PHRF1: variants seen among roughly 807,000 people sequenced by gnomAD.
PHRF1 encodes PHD and ring finger domains 1.
PHRF1 carries 53 observed loss-of-function variants against 128.9 expected under a neutral mutation model. The observed-to-expected ratio is 0.41, with a 90% CI of 0.33 to 0.52. The LOEUF (loss-of-function observed/expected upper bound fraction) is 0.52. Among genes scored for constraint, PHRF1 ranks in the 20% least tolerant of loss-of-function variants. The pLI is 0.21. For missense variants in PHRF1, 2,503 were observed against 2,284.5 expected (o/e 1.10, Z -1.95); for synonymous variants, 1,178 against 980.6 (o/e 1.20, Z -3.76).
In PHRF1 at chr11:587,545, C is replaced by T. The variant is rs867223802; in HGVS notation, c.420+81C>T. 6.3e-6 allele frequency: 9 copies of T among 1,423,222 alleles called. No individual in the cohort carries two copies. In the African/African-American group the frequency reaches 1.1e-4, roughly 18 times the overall value. The allele number at this position is 1,423,222 out of a possible 1,614,324, so 88.2% of individuals were successfully genotyped here. ...AGGTGACCCAGCCTGTGTTCAGCCT[C>T]TTGTGAGGTTCTAGTTGTCTGCTCT... On this transcript the variant is annotated intron_variant, in intron 4 of 17. Transcript: ENST00000264555.
intron 9 of PHRF1, among the ~76,000 whole-genome samples, chr11:598,722 G>A (rs776844245): frequency 3.9e-5 from 6 of 152,256 alleles, no homozygotes; most frequent in Non-Finnish European, 7.3e-5. Context: ...GTGTCAGGGT[G>A]ATGCCGGCCT....
Position 597,451 on chromosome 11 carries a change from A to AC in PHRF1, c.777dup (p.Thr260HisfsTer10). 6.2e-7 allele frequency: 1 copy of AC among 1,612,810 alleles called. No homozygotes were observed. Among genetic ancestry groups the AC allele is most frequent in the Non-Finnish European group, 8.5e-7 (1 of 1,179,610 alleles). ...CCTGCTCTTGGCTGATGTGGTGCCC[A>AC]CCACCAGCAGGCTTCGGCCTCGAGC... On this transcript the variant is annotated frameshift_variant, in exon 8 of 18. Transcript: ENST00000264555. LOFTEE classifies it high-confidence loss of function. This position sits in a 1 kb window ranked among gnomAD's most constrained non-coding sequence, Gnocchi z 6.5.
intron 4 of PHRF1, among the ~76,000 whole-genome samples, chr11:590,925 A>G (rs1564846358): frequency 6.6e-6 from 1 of 151,932 alleles, no homozygotes; most frequent in Non-Finnish European, 1.5e-5. Flanking sequence ...CTGGTCTCGA[A>G]CTCCCGACCT....
rs917197124 is a variant in PHRF1, at chr11:612,009, A to G, written c.*232A>G. ...AACTGGACACTTTTGTATGTATATT[A>G]TAGAGACACTGTTTCCATTCTAATT... is the stretch of plus-strand genomic sequence containing the variant. On this transcript the variant is annotated 3_prime_UTR_variant, in exon 18 of 18. Coordinates refer to ENST00000264555, the MANE Select transcript of PHRF1 (RefSeq NM_001286581.2). 3.3e-5 allele frequency: 19 copies of G among 572,496 alleles called. No individual in the cohort carries two copies. The highest frequency in any genetic ancestry group is 1.2e-4 in the East Asian group (4 of 33,424). The allele number at this position is 572,496 out of a possible 1,614,324, so 35.5% of individuals were successfully genotyped here.
At position 608,611 on chromosome 11, in the gene PHRF1, G is replaced by C. The variant is rs768536163; in HGVS notation, c.3155G>C (p.Arg1052Pro). The change falls in exon 14 of 18, where the codon CGG becomes CCG. Residue 1052 changes from arginine to proline, a missense_variant. Physicochemically the swap from Arg to Pro is moderately radical, Grantham distance 103. Coordinates refer to ENST00000264555, the MANE Select transcript of PHRF1 (RefSeq NM_001286581.2). ...PRRQRSKAKS[R>P]RSSSDRSSSR... ...AGGCAGCGGTCCAAGGCCAAGAGCCGGCGGTCCTCCAGTGACCGCTCCAGC... is the reference window on the plus strand; with the variant it reads ...AGGCAGCGGTCCAAGGCCAAGAGCCCGCGGTCCTCCAGTGACCGCTCCAGC... 1 of 1,612,176 alleles carries C rather than the reference G, an allele frequency of 6.2e-7. No homozygotes were observed. Among genetic ancestry groups the C allele is most frequent in the Non-Finnish European group, 8.5e-7 (1 of 1,179,744 alleles).
Position 598,429 on chromosome 11 carries a change from G to C in PHRF1, c.951G>C (p.Ala317=), listed in dbSNP as rs199734108. Residue 317 remains alanine, a synonymous_variant, in exon 9 of 18, where the codon GCG becomes GCC. Coordinates refer to ENST00000264555, the MANE Select transcript of PHRF1 (RefSeq NM_001286581.2). ...TGGATGAAGCCATCGAGGCTGTGGC[G>C]ACTGGCCTGAGCACTGCCGTGTATC... The part of the protein sequence containing the change: ...SLLDEAIEAV[A]TGLSTAVYQR... 6.2e-7 allele frequency: 1 copy of C among 1,611,110 alleles called. No individual in the cohort carries two copies. The highest frequency in any genetic ancestry group is 8.5e-7 in the Non-Finnish European group (1 of 1,179,788).
At position 601,657 on chromosome 11, in the gene PHRF1, A is replaced by C; in HGVS notation, c.1108A>C (p.Lys370Gln). 6.2e-7 allele frequency: 1 copy of C among 1,613,864 alleles called. No homozygotes were observed. Reference protein sequence around the residue: ...KSKSSATRSKKRQHRVKKRRG... With the variant: ...KSKSSATRSKQRQHRVKKRRG... ...TAAGAGCTCAGCGACAAGATCTAAGAAACGCCAACATCGAGTGAAGAAGAG... is the reference window on the plus strand; with the variant it reads ...TAAGAGCTCAGCGACAAGATCTAAGCAACGCCAACATCGAGTGAAGAAGAG... The change falls in exon 10 of 18, where the codon AAA (lysine) becomes CAA (glutamine). Residue 370 changes from lysine to glutamine, a missense_variant. Transcript: ENST00000264555.
At position 582,195 on chromosome 11, in the gene PHRF1, G is replaced by T. The variant is rs972758713; in HGVS notation, c.214+114G>T. On this transcript the variant is annotated intron_variant, in intron 3 of 17. Transcript: ENST00000264555. ...TGTCACCACAGCTGGCCATGTCCCTGCGGTCACCTACGGTGAGGCCTTATA... is the reference window on the plus strand; with the variant it reads ...TGTCACCACAGCTGGCCATGTCCCTTCGGTCACCTACGGTGAGGCCTTATA... 54 of 1,492,118 alleles carry T rather than the reference G, an allele frequency of 3.6e-5. 1 individual carries two copies. The African/African-American group carries it at 6.4e-4, about 18-fold the overall frequency. 92.4% of individuals were successfully genotyped at this position (1,492,118 alleles called of 1,614,324 possible).
At chr11:577,685 G>T (rs1353851184) in intron 1 of PHRF1, among the ~76,000 whole-genome samples, 3 of 152,262 alleles carry the variant, frequency 2.0e-5, no homozygotes, top group Non-Finnish European at 4.4e-5. Flanking sequence ...ACAGCAGATG[G>T]TGAATACAAG....
rs200483337 is a variant in PHRF1, at chr11:609,375, C to G, written c.3919C>G (p.Pro1307Ala). 2.0e-5 allele frequency: 33 copies of G among 1,611,908 alleles called. No homozygotes were observed. Among genetic ancestry groups the G allele is most frequent in the Non-Finnish European group, 2.6e-5 (31 of 1,179,870 alleles). Reference protein sequence around the residue: ...SSPERDFPLKPALPPASLAVA... With the variant: ...SSPERDFPLKAALPPASLAVA... ...CCCGGAGCGAGACTTCCCACTGAAG[C>G]CTGCGTTGCCCCCAGCCAGCCTGGC... The change falls in exon 14 of 18, where the codon CCT becomes GCT. Residue 1307 changes from proline to alanine, a missense_variant. By Grantham distance (27) the Pro-to-Ala change is conservative. Coordinates refer to ENST00000264555, the MANE Select transcript of PHRF1 (RefSeq NM_001286581.2).
Position 597,370 on chromosome 11 carries a change from C to T in PHRF1, c.719-25C>T, listed in dbSNP as rs777085084. 3 of 1,602,288 alleles carry T rather than the reference C, an allele frequency of 1.9e-6. No homozygotes were observed. The South Asian group carries it at 3.4e-5, about 18-fold the overall frequency. On this transcript the variant is annotated intron_variant, in intron 7 of 17. Coordinates refer to ENST00000264555, the MANE Select transcript of PHRF1 (RefSeq NM_001286581.2). The surrounding 1 kb of genome is among the most constrained non-coding windows in gnomAD (Gnocchi z 6.5). Reference sequence around the variant, plus strand: ...AGGCGTGTGGCCTGTGAGTGTGGCACATCAGCCCTGGTGGTTCTTCCCAGA... The same window carrying T: ...AGGCGTGTGGCCTGTGAGTGTGGCATATCAGCCCTGGTGGTTCTTCCCAGA...
chr11:609,277 T>G lies in PHRF1; in HGVS notation c.3821T>G (p.Phe1274Cys), dbSNP rs564272765. The change falls in exon 14 of 18, where the codon TTC (phenylalanine) becomes TGC (cysteine). Residue 1274 changes from phenylalanine to cysteine, a missense_variant. By Grantham distance (205) the Phe-to-Cys change is radical. Coordinates refer to ENST00000264555, the MANE Select transcript of PHRF1 (RefSeq NM_001286581.2). Reference protein sequence around the residue: ...SVEAGHVFDDFSSDAVFIQLD... With the variant: ...SVEAGHVFDDCSSDAVFIQLD... Reference sequence around the variant, plus strand: ...GAGGCCGGACACGTCTTTGATGATTTCTCAAGCGACGCCGTTTTCATCCAG... The same window carrying G: ...GAGGCCGGACACGTCTTTGATGATTGCTCAAGCGACGCCGTTTTCATCCAG... The G allele has an allele frequency of 3.7e-6, 6 of 1,612,376 alleles. No individual in the cohort carries two copies. The highest frequency in any genetic ancestry group is 4.5e-5 in the East Asian group (2 of 44,870).
chr11:581,330 C>T (rs1246154205), intron 1 of PHRF1, among the ~76,000 whole-genome samples, 162 bp from the exon 2 acceptor site: 2 of 150,142 alleles, frequency 1.3e-5, no homozygotes, highest in Non-Finnish European at 1.5e-5. Context: ...GGGGATACTG[C>T]TGAGAGTTGT....
Position 608,174 on chromosome 11 carries a change from G to A in PHRF1, c.2718G>A (p.Arg906=), listed in dbSNP as rs1266030366. The change falls in exon 14 of 18, where the codon CGG becomes CGA. Residue 906 remains arginine, a synonymous_variant. Transcript: ENST00000264555. ...LGPSSAMSKL[R]GAVAAEGASD... Reference sequence around the variant, plus strand: ...CGTCCTCCGCCATGTCCAAGCTCCGGGGTGCAGTGGCTGCCGAGGGGGCCT... The same window carrying A: ...CGTCCTCCGCCATGTCCAAGCTCCGAGGTGCAGTGGCTGCCGAGGGGGCCT... 6.2e-7 allele frequency: 1 copy of A among 1,610,510 alleles called. No individual in the cohort carries two copies. The highest frequency in any genetic ancestry group is 8.5e-7 in the Non-Finnish European group (1 of 1,179,830).
intron 9 of PHRF1, among the ~76,000 whole-genome samples, chr11:600,512 A>ATATATATATATATATATATATATATATG (rs1437772767): frequency 1.3e-4 from 19 of 144,512 alleles, no homozygotes; most frequent in African/African-American, 5.0e-4. Context: ...ATATATATAT[A>ATATATATATATATATATATATATATATG]TATATATGGT....
chr11:599,619 C>T (rs533349136), intron 9 of PHRF1, among the ~76,000 whole-genome samples: 11 of 152,250 alleles, frequency 7.2e-5, no homozygotes, highest in Non-Finnish European at 1.3e-4. Flanking sequence ...GTTTGACAGA[C>T]GTAACTTCCA....
At chr11:600,116 C>T (rs2133015422) in intron 9 of PHRF1, among the ~76,000 whole-genome samples, 1 of 152,082 alleles carries the variant, frequency 6.6e-6, no homozygotes, top group Admixed American at 6.6e-5. Flanking sequence ...GCTGGGGTTA[C>T]AGGTGTGAGC....
rs771900582 is a variant in PHRF1, at chr11:607,050, CTT to C, written c.1610-11_1610-10del. The C allele has an allele frequency of 3.2e-5, 49 of 1,544,972 alleles. No individual in the cohort carries two copies. In the Middle Eastern group the frequency reaches 8.7e-4, roughly 27 times the overall value. On this transcript the variant is annotated splice_polypyrimidine_tract_variant and intron_variant, in intron 13 of 17. Coordinates refer to ENST00000264555, the MANE Select transcript of PHRF1 (RefSeq NM_001286581.2). ...GTGGGTGGGAAATGATTGCCATTGACTTTTTTGTTTTTTAGCTCCAGTTTCTT... is the reference window on the plus strand; with the variant it reads ...GTGGGTGGGAAATGATTGCCATTGACTTTTGTTTTTTAGCTCCAGTTTCTT...
intron 4 of PHRF1, among the ~76,000 whole-genome samples, chr11:589,068 G>A (rs1260884297): frequency 2.0e-5 from 3 of 151,942 alleles, no homozygotes; most frequent in Non-Finnish European, 2.9e-5. Flanking sequence ...CCTGGGAGTT[G>A]GAGGTTGCAG....
Sources: allele counts gnomAD v4.1 joint callset (sites outside exome capture counted in the v4.1 genomes callset), GRCh38; gene constraint gnomAD v4.1.1; non-coding constraint Gnocchi (gnomAD v3.1); transcripts MANE v1.5; gene names NCBI Gene and HGNC (gene_info 2026-07-23, HGNC 2026-07-21).